RBM24: variants seen among roughly 807,000 people sequenced by gnomAD.
RBM24 encodes the protein RNA binding motif protein 24.
Under a neutral mutation model 23.6 loss-of-function variants are expected in RBM24, and 5 were observed. That is an observed-to-expected ratio of 0.21 (90% confidence interval 0.11 to 0.45). RBM24 has a LOEUF of 0.45. Among genes scored for constraint, RBM24 ranks in the 20% least tolerant of loss-of-function variants. RBM24 has a pLI of 0.99. For synonymous variants in RBM24, 151 were observed against 129.5 expected, an observed-to-expected ratio of 1.17 and a Z score of -1.13; for missense variants, 252 against 314.6, an observed-to-expected ratio of 0.80 and a Z score of 1.51.
chr6:17,281,966 G>C lies in RBM24; in HGVS notation c.168+217G>C, dbSNP rs542534651. 2 of 1,360,878 alleles carry C rather than the reference G, an allele frequency of 1.5e-6. No individual in the cohort carries two copies. Among genetic ancestry groups the C allele is most frequent in the East Asian group, 2.8e-5 (1 of 35,936 alleles). The allele number at this position is 1,360,878 out of a possible 1,614,324, so 84.3% of individuals were successfully genotyped here. ...AGAAGACCCAGCGCTGTGCGAGGTCGGGGGCCGGGCAGGGCAGAGCAGGGG... is the reference window on the plus strand; with the variant it reads ...AGAAGACCCAGCGCTGTGCGAGGTCCGGGGCCGGGCAGGGCAGAGCAGGGG... On this transcript the variant is annotated intron_variant, in intron 1 of 3. Transcript: ENST00000379052. This position sits in a 1 kb window ranked among gnomAD's most constrained non-coding sequence, Gnocchi z 7.1.
In RBM24 at chr6:17,288,667, G is replaced by C. The variant is rs151081316; in HGVS notation, c.348-3089G>C. ...ATTTCAGCAGGTAGAGACAGTGTGA[G>C]GATTAGCATCTGGGTGAGGGATGAA... On this transcript the variant is annotated intron_variant, in intron 3 of 3. Transcript: ENST00000379052. 5 of 982,720 alleles carry C rather than the reference G, an allele frequency of 5.1e-6. No homozygotes were observed. The Admixed American group carries it at 3.1e-4, about 60-fold the overall frequency. 60.9% of individuals were successfully genotyped at this position (982,720 alleles called of 1,614,324 possible).
At chr6:17,291,621 G>C in intron 3 of RBM24, 135 bp from the exon 4 acceptor site, 1 of 957,910 alleles carries the variant, frequency 1.0e-6, no homozygotes, top group Non-Finnish European at 1.6e-6. Flanking sequence ...TATTCTCAAT[G>C]GACCACTAGA....
Position 17,292,037 on chromosome 6 carries a change from C to T in RBM24, c.629C>T (p.Ala210Val). 2 of 1,597,942 alleles carry T rather than the reference C, an allele frequency of 1.3e-6. No individual in the cohort carries two copies. The highest frequency in any genetic ancestry group is 1.7e-5 in the Admixed American group (1 of 59,832). Residue 210 changes from alanine (A) to valine (V), a missense_variant, in exon 4 of 4, where the codon GCC (alanine) becomes GTC (valine). By Grantham distance (64) the Ala-to-Val change is moderately conservative. Transcript: ENST00000379052. ...ACCGCAGCGGCACCTGGGACAGCTG[C>T]CGCCGCCGCTGCAGCAGCTGCTGCC... ...PITAAAPGTA[A>V]AAAAAAAAAA...
At chr6:17,288,728 A>C (rs2113407204) in intron 3 of RBM24, 1 of 975,052 alleles carries the variant, frequency 1.0e-6, no homozygotes, top group Middle Eastern at 5.3e-4. Context: ...GGGAATGTGA[A>C]GCTTGTCCAG....
intron 3 of RBM24, chr6:17,289,847 C>T (rs1760301520): frequency 2.6e-6 from 3 of 1,138,472 alleles, no homozygotes; most frequent in Non-Finnish European, 1.1e-6. Context: ...GCTCTCTTAG[C>T]CGTGTCTACA....
At chr6:17,290,905 C>G in intron 3 of RBM24, 1 of 1,284,890 alleles carries the variant, frequency 7.8e-7, no homozygotes, top group Non-Finnish European at 1.0e-6. Flanking sequence ...TTTGGTTGAC[C>G]GTTGTGTCCT....
At position 17,292,872 on chromosome 6, in the gene RBM24, A is replaced by C. The variant is rs1760413705; in HGVS notation, c.*753A>C. The C allele has an allele frequency of 6.6e-6, 1 of 152,596 alleles. No homozygotes were observed. Among genetic ancestry groups the C allele is most frequent in the Non-Finnish European group, 1.5e-5 (1 of 68,050 alleles). The allele number at this position is 152,596 out of a possible 1,614,324, so 9.5% of individuals were successfully genotyped here. A position where few individuals can be genotyped will look rare whatever the true frequency, so the allele number is the denominator to read the frequency against. ...TGTTTGATGAGCTTGTCACATTCTA[A>C]TCCCTCTCCCCATCCTGTTTCAATT... On this transcript the variant is annotated 3_prime_UTR_variant, in exon 4 of 4. Coordinates refer to ENST00000379052, the MANE Select transcript of RBM24 (RefSeq NM_001143942.2).
chr6:17,281,727 G>A lies in RBM24; in HGVS notation c.146G>A (p.Gly49Asp), dbSNP rs1297065342. ...GTGGTCATCACCGACCGGCAGACGGGCAAGTCCCGGGGCTATGGATTTGTA... is the reference window on the plus strand; with the variant it reads ...GTGGTCATCACCGACCGGCAGACGGACAAGTCCCGGGGCTATGGATTTGTA... ...EAVVITDRQT[G>D]KSRGYGFVTM... The change falls in exon 1 of 4, where the codon GGC becomes GAC. Residue 49 changes from glycine to aspartate, a missense_variant. By Grantham distance (94) the Gly-to-Asp change is moderately conservative (BLOSUM62 -1). Transcript: ENST00000379052. This position sits in a 1 kb window ranked among gnomAD's most constrained non-coding sequence, Gnocchi z 7.1. 1 of 1,551,348 alleles carries A rather than the reference G, an allele frequency of 6.4e-7. No individual in the cohort carries two copies. The highest frequency in any genetic ancestry group is 2.0e-5 in the Admixed American group (1 of 51,064).
At chr6:17,289,773 A>T (rs930552367) in intron 3 of RBM24, 22 of 1,064,128 alleles carry the variant, frequency 2.1e-5, no homozygotes, top group Middle Eastern at 9.0e-4. Flanking sequence ...GCATGACAGG[A>T]TCAAAAATAG....
intron 1 of RBM24, chr6:17,282,529 C>CTAACA: frequency 1.9e-6 from 1 of 523,756 alleles, no homozygotes; most frequent in South Asian, 2.0e-5. Flanking sequence ...CTAGGCCCTA[C>CTAACA]TAACACCCTT....
rs1242137536 is a variant in RBM24 at position 17,293,504 on chromosome 6, G to C, written c.*1385G>C. 2 of 152,134 alleles carry C rather than the reference G, an allele frequency of 1.3e-5. No individual in the cohort carries two copies. The highest frequency in any genetic ancestry group is 2.9e-5 in the Non-Finnish European group (2 of 67,934). The allele number at this position is 152,134 out of a possible 1,614,324, so 9.4% of individuals were successfully genotyped here. ...GTTTCATGCTTCCTCCTCTGATTTTGCCTGTGTAGATTTCATTTATTGGTA... is the reference window on the plus strand; with the variant it reads ...GTTTCATGCTTCCTCCTCTGATTTTCCCTGTGTAGATTTCATTTATTGGTA... On this transcript the variant is annotated 3_prime_UTR_variant, in exon 4 of 4. Transcript: ENST00000379052.
chr6:17,283,648 C>T (rs772166520), intron 2 of RBM24, among the ~76,000 whole-genome samples: 118 of 152,096 alleles, frequency 7.8e-4, no homozygotes, highest in Non-Finnish European at 2.8e-4. Flanking sequence ...AACTCCTGAC[C>T]TCAGGTGATC....
intron 3 of RBM24, among the ~76,000 whole-genome samples, chr6:17,287,281 T>G (rs1760224192): frequency 6.6e-6 from 1 of 152,228 alleles, no homozygotes; most frequent in Non-Finnish European, 1.5e-5. Context: ...TACTTGAAAT[T>G]CTAGTAACTG....
chr6:17,291,779 C>T lies in RBM24; in HGVS notation c.371C>T (p.Pro124Leu), dbSNP rs1448844493. Residue 124 changes from proline (P) to leucine (L), a missense_variant, in exon 4 of 4, where the codon CCG becomes CTG. Physicochemically the swap from Pro to Leu is moderately conservative, Grantham distance 98 (BLOSUM62 -3). Coordinates refer to ENST00000379052, the MANE Select transcript of RBM24 (RefSeq NM_001143942.2). ...AGGATACCTGCCCACTATGTCTATCCGCAGGCTTTTGTGCAGCCGGGAGTG... is the reference window on the plus strand; with the variant it reads ...AGGATACCTGCCCACTATGTCTATCTGCAGGCTTTTGTGCAGCCGGGAGTG... Reference protein sequence around the residue: ...PFGIPAHYVYPQAFVQPGVVI... With the variant: ...PFGIPAHYVYLQAFVQPGVVI... 1.9e-6 allele frequency: 3 copies of T among 1,612,562 alleles called. No homozygotes were observed. The highest frequency in any genetic ancestry group is 2.5e-6 in the Non-Finnish European group (3 of 1,178,950).
intron 3 of RBM24, chr6:17,288,916 T>C: frequency 1.0e-6 from 1 of 985,356 alleles, no homozygotes. Context: ...ATGAATGAGA[T>C]GGAGTATTTG....
chr6:17,282,199 C>G (rs1760042436), intron 1 of RBM24: 2 of 1,287,408 alleles, frequency 1.6e-6, no homozygotes, highest in African/African-American at 3.0e-5. Context: ...TGTGTCATCC[C>G]CCCGCCTTTT....
intron 3 of RBM24, chr6:17,288,691 A>G: frequency 2.0e-6 from 2 of 977,040 alleles, no homozygotes; most frequent in Non-Finnish European, 2.4e-6. Flanking sequence ...GTGAGGGATG[A>G]ATGACATGAA....
Position 17,292,267 on chromosome 6 carries a change from A to G in RBM24, c.*148A>G, listed in dbSNP as rs1760393870. 1 of 734,850 alleles carries G rather than the reference A, an allele frequency of 1.4e-6. No individual in the cohort carries two copies. The highest frequency in any genetic ancestry group is 3.1e-5 in the Admixed American group (1 of 32,016). The allele number at this position is 734,850 out of a possible 1,614,324, so 45.5% of individuals were successfully genotyped here. On this transcript the variant is annotated 3_prime_UTR_variant, in exon 4 of 4. Coordinates refer to ENST00000379052, the MANE Select transcript of RBM24 (RefSeq NM_001143942.2). Reference sequence around the variant, plus strand: ...GTGAAGCAGAGTTATTATTTTTTTTATACTCCAGGTAGTGTTCTAGATGAG... The same window carrying G: ...GTGAAGCAGAGTTATTATTTTTTTTGTACTCCAGGTAGTGTTCTAGATGAG...
In RBM24 at chr6:17,282,832, G is replaced by A. The variant is rs1760069919; in HGVS notation, c.196G>A (p.Glu66Lys). The A allele has an allele frequency of 6.2e-7, 1 of 1,613,980 alleles. No homozygotes were observed. Among genetic ancestry groups the A allele is most frequent in the Non-Finnish European group, 8.5e-7 (1 of 1,180,048 alleles). ...FVTMADRAAA[E>K]RACKDPNPII... The stretch of plus-strand genomic sequence containing the variant: ...CACCATGGCTGACCGGGCTGCTGCC[G>A]AAAGGGCCTGCAAGGATCCCAATCC... The change falls in exon 2 of 4, where the codon GAA (glutamate) becomes AAA (lysine). Residue 66 changes from glutamate to lysine, a missense_variant. By Grantham distance (56) the Glu-to-Lys change is moderately conservative. Coordinates refer to ENST00000379052, the MANE Select transcript of RBM24 (RefSeq NM_001143942.2).
Sources: gnomAD v4.1 joint callset for allele counts (sites outside exome capture counted in the v4.1 genomes callset) on GRCh38, gnomAD v4.1.1 for gene constraint, Gnocchi (gnomAD v3.1) non-coding constraint, MANE v1.5 for transcripts, NCBI Gene and HGNC (gene_info 2026-07-23, HGNC 2026-07-21) for gene names.